ZW10: variants seen among roughly 807,000 people sequenced by gnomAD.
ZW10 encodes zw10 kinetochore protein.
ZW10 carries 53 observed loss-of-function variants against 87.8 expected under a neutral mutation model. The ratio of observed to expected loss-of-function variants is 0.60; its 90% CI spans 0.48 to 0.76. The LOEUF is 0.76. Ranked by LOEUF, ZW10 falls within the 30% of genes least tolerant of loss-of-function variation. ZW10 has a pLI of 0.00. For synonymous variants in ZW10, 312 were observed against 329.2 expected (o/e 0.95, Z 0.57); for missense variants, 837 against 923.0 (o/e 0.91, Z 1.21).
chr11:113,739,130 T>C lies in ZW10; in HGVS notation c.1753+83A>G, dbSNP rs537097337. On this transcript the variant is annotated intron_variant, in intron 12 of 15. Coordinates refer to ENST00000200135, the MANE Select transcript of ZW10 (RefSeq NM_004724.4). Reference sequence around the variant, plus strand: ...CTCAGGACCACCACCTAATTTCTAATTTTCTCATTCAAAAACTATAAAGAT... The same window carrying C: ...CTCAGGACCACCACCTAATTTCTAACTTTCTCATTCAAAAACTATAAAGAT... 3 of 1,488,918 alleles carry C rather than the reference T, an allele frequency of 2.0e-6. No homozygotes were observed. The South Asian group carries it at 3.8e-5, about 19-fold the overall frequency. 92.2% of individuals were successfully genotyped at this position (1,488,918 alleles called of 1,614,324 possible).
intron 12 of ZW10, 28 bp from the exon 13 acceptor site, chr11:113,738,422 T>G (rs1433808245): frequency 6.2e-7 from 1 of 1,605,058 alleles, no homozygotes; most frequent in East Asian, 2.2e-5. Context: ...AATAAAAAAT[T>G]TTAAAAGCTG....
chr11:113,756,157 G>A (rs1267722069), intron 7 of ZW10, among the ~76,000 whole-genome samples: 1 of 152,084 alleles, frequency 6.6e-6, no homozygotes, highest in Non-Finnish European at 1.5e-5. Context: ...AATACAACTG[G>A]TGTCTTTATA....
intron 9 of ZW10, among the ~76,000 whole-genome samples, chr11:113,746,991 C>T (rs1263128486): frequency 2.0e-5 from 3 of 151,580 alleles, no homozygotes; most frequent in Non-Finnish European, 4.4e-5. Context: ...AAACCACAGC[C>T]CAATTCAAGG....
At chr11:113,743,482 C>G (rs1365372199) in intron 10 of ZW10, among the ~76,000 whole-genome samples, 1 of 152,126 alleles carries the variant, frequency 6.6e-6, no homozygotes, top group African/African-American at 2.4e-5. Flanking sequence ...AGTAAAAATT[C>G]AACAACAATT....
Position 113,762,318 on chromosome 11 carries a change from T to G in ZW10, c.241-1400A>C, listed in dbSNP as rs541883545. On this transcript the variant is annotated intron_variant, in intron 2 of 15. Transcript: ENST00000200135. ...ACCTGTATAGGGCACTTACCATGAA[T>G]GTAAGTTGCAGGACTAGAAGTTGCT... Among the ~76,000 whole-genome samples the G allele has an allele frequency of 2.6e-5, 4 of 152,274 alleles. No individual in the cohort carries two copies. In the South Asian group the frequency reaches 8.3e-4, roughly 32 times the overall value.
rs1199111810 is a variant in ZW10, at chr11:113,744,100, G to A, written c.1273-60C>T. 8 of 1,413,844 alleles carry A rather than the reference G, an allele frequency of 5.7e-6. No individual in the cohort carries two copies. In the South Asian group the frequency reaches 8.9e-5, roughly 16 times the overall value. The allele number at this position is 1,413,844 out of a possible 1,614,324, so 87.6% of individuals were successfully genotyped here. On this transcript the variant is annotated intron_variant, in intron 9 of 15. Transcript: ENST00000200135. ...TGTTTTCAGAATAATTCAAATATAAGCACACGGCCGGGCATGGCGGCTCAC... is the reference window on the plus strand; with the variant it reads ...TGTTTTCAGAATAATTCAAATATAAACACACGGCCGGGCATGGCGGCTCAC...
intron 14 of ZW10, among the ~76,000 whole-genome samples, chr11:113,737,190 T>C (rs1157416271): frequency 2.0e-5 from 3 of 152,230 alleles, no homozygotes; most frequent in African/African-American, 4.8e-5. Flanking sequence ...AAGAATCACA[T>C]GTAAAATTTA....
At chr11:113,741,125 G>GTT (rs745761469) in intron 11 of ZW10, among the ~76,000 whole-genome samples, 4 of 142,752 alleles carry the variant, frequency 2.8e-5, no homozygotes, top group African/African-American at 7.7e-5. Flanking sequence ...AACAGCTTTT[G>GTT]TTTTTTTTTT....
chr11:113,753,221 T>A (rs1180355516), intron 7 of ZW10, among the ~76,000 whole-genome samples: 1 of 152,050 alleles, frequency 6.6e-6, no homozygotes, highest in Non-Finnish European at 1.5e-5. Flanking sequence ...TTGTCCCCAA[T>A]ATGTGTCATG....
In ZW10 at chr11:113,757,746, T is replaced by C; in HGVS notation, c.841A>G (p.Met281Val). ...NIVIIRFESI[M>V]TNLEYPSPSE... ...GGTGATGGATATTCCAAGTTAGTCA[T>C]TATAGATTCAAAACGAATAATAACT... The change falls in exon 7 of 16, where the codon ATG becomes GTG. Residue 281 changes from methionine to valine, a missense_variant. Met to Val is a conservative substitution (Grantham distance 21). Transcript: ENST00000200135. 1 of 1,613,888 alleles carries C rather than the reference T, an allele frequency of 6.2e-7. No homozygotes were observed. The highest frequency in any genetic ancestry group is 1.3e-5 in the African/African-American group (1 of 75,070).
chr11:113,733,588 C>G lies in ZW10; in HGVS notation c.*106G>C, dbSNP rs1269545417. ...TGTAAAGTCAAACTTCCAAGATGTA[C>G]TGGTTCACCAAAACCAATGGGCGAT... On this transcript the variant is annotated 3_prime_UTR_variant, in exon 16 of 16. Transcript: ENST00000200135. The G allele has an allele frequency of 4.0e-6, 6 of 1,496,748 alleles. No homozygotes were observed. Among genetic ancestry groups the G allele is most frequent in the Non-Finnish European group, 5.5e-6 (6 of 1,088,320 alleles). 92.7% of individuals were successfully genotyped at this position (1,496,748 alleles called of 1,614,324 possible).
intron 15 of ZW10, among the ~76,000 whole-genome samples, chr11:113,734,071 C>A (rs1953522487): frequency 6.6e-6 from 1 of 152,130 alleles, no homozygotes; most frequent in Non-Finnish European, 1.5e-5. Flanking sequence ...TATTCTATAC[C>A]AAGGCCTCTT....
chr11:113,765,911 C>T (rs146899252), intron 2 of ZW10, among the ~76,000 whole-genome samples: 1 of 152,218 alleles, frequency 6.6e-6, no homozygotes, highest in East Asian at 1.9e-4. Flanking sequence ...GAGTCGGGTT[C>T]CTTAAAGTCA....
intron 2 of ZW10, among the ~76,000 whole-genome samples, chr11:113,764,392 G>C (rs1170589022): frequency 1.3e-5 from 2 of 152,142 alleles, no homozygotes; most frequent in Non-Finnish European, 2.9e-5. Flanking sequence ...CTAATTCTGT[G>C]AGGAATGTCA....
At chr11:113,769,032 T>C (rs924010124) in intron 1 of ZW10, 65 bp from the exon 2 acceptor site, 37 of 1,530,586 alleles carry the variant, frequency 2.4e-5, no homozygotes, top group Non-Finnish European at 3.0e-5. Flanking sequence ...AATAAGAATA[T>C]ATTCATCTTC....
chr11:113,745,523 A>C (rs1305555086), intron 9 of ZW10, among the ~76,000 whole-genome samples: 1 of 152,244 alleles, frequency 6.6e-6, no homozygotes, highest in Non-Finnish European at 1.5e-5. Flanking sequence ...ATGAGAACAC[A>C]AATATCAGGG....
intron 1 of ZW10, chr11:113,769,978 T>G (rs761691626): frequency 6.1e-5 from 13 of 212,306 alleles, no homozygotes; most frequent in Non-Finnish European, 1.1e-4. Context: ...TCTACATGGC[T>G]TCACAGCCCC....
intron 13 of ZW10, among the ~76,000 whole-genome samples, chr11:113,738,006 C>G (rs7933965): frequency 0.12 from 18,784 of 151,730 alleles, 2,045 homozygotes; most frequent in African/African-American, 0.3. Context: ...GAATCAACTA[C>G]TTGCCACAAC....
rs535835333 is a variant in ZW10, at chr11:113,744,559, A to C, written c.1273-519T>G. 1.5e-3 allele frequency among the ~76,000 whole-genome samples: 232 copies of C among 152,270 alleles called. 1 individual carries two copies. The highest frequency in any genetic ancestry group is 2.6e-3 in the Non-Finnish European group (174 of 68,010). On this transcript the variant is annotated intron_variant, in intron 9 of 15. Coordinates refer to ENST00000200135, the MANE Select transcript of ZW10 (RefSeq NM_004724.4). ...TGAAAGCATGTCATAAGTGATAAAC[A>C]ATTCCCTTAATCCCCTTTACTGTGA...
Sources: gnomAD v4.1 joint callset for allele counts (sites outside exome capture counted in the v4.1 genomes callset) on GRCh38, gnomAD v4.1.1 for gene constraint, MANE v1.5 for transcripts, NCBI Gene and HGNC (gene_info 2026-07-23, HGNC 2026-07-21) for gene names.